Variants in ANKRD44 observed in about 807,000 individuals in gnomAD.
The protein encoded by ANKRD44 is ankyrin repeat domain 44.
In ANKRD44, 35 loss-of-function variants were observed where a neutral mutation model predicts 116.0. The ratio of observed to expected loss-of-function variants is 0.30; its 90% confidence interval spans 0.23 to 0.40. The LOEUF is 0.40. Ranked by LOEUF, ANKRD44 falls within the 10% of genes least tolerant of loss-of-function variation. The probability of loss-of-function intolerance (pLI) is 1.00; values close to 1 mark genes in which losing one functional copy is unlikely to be tolerated. For synonymous variants in ANKRD44, 435 were observed against 461.8 expected, an observed-to-expected ratio of 0.94 and a Z score of 0.74; for missense variants, 1,014 against 1,242.6, an observed-to-expected ratio of 0.82 and a Z score of 2.77.
At chr2:197,277,464 C>T (rs1377664556) in intron 1 of ANKRD44, among the ~76,000 whole-genome samples, 2 of 152,064 alleles carry the variant, frequency 1.3e-5, no homozygotes, top group African/African-American at 2.4e-5. Flanking sequence ...ATCTGGAAGA[C>T]AGGGAGTAAG....
intron 24 of ANKRD44, 108 bp from the exon 25 acceptor site, chr2:196,998,527 T>C: frequency 1.3e-6 from 1 of 774,782 alleles, no homozygotes. Flanking sequence ...ACAGTTCACA[T>C]AATCATATTT....
At chr2:196,989,953 A>G (rs1215017899) in intron 27 of ANKRD44, 18 of 1,058,776 alleles carry the variant, frequency 1.7e-5, no homozygotes, top group Non-Finnish European at 2.1e-5. Flanking sequence ...GTGCAATATA[A>G]TTTTCACCTG....
At chr2:197,140,911 T>C (rs2079348218) in intron 3 of ANKRD44, among the ~76,000 whole-genome samples, 2 of 152,164 alleles carry the variant, frequency 1.3e-5, no homozygotes, top group South Asian at 4.1e-4. Context: ...TATACTTCAA[T>C]AAAGCTGCTT....
intron 19 of ANKRD44, 83 bp downstream of exon 19, chr2:197,008,861 C>A: frequency 2.4e-6 from 3 of 1,226,762 alleles, no homozygotes; most frequent in South Asian, 2.5e-5. Context: ...GTTCCGCAGT[C>A]AGCCTTGTAA....
chr2:197,142,528 G>A (rs900820440), intron 3 of ANKRD44, among the ~76,000 whole-genome samples: 1 of 152,060 alleles, frequency 6.6e-6, no homozygotes, highest in East Asian at 1.9e-4. Flanking sequence ...TTCCATGAAC[G>A]TGACAATTGC....
Position 197,083,440 on chromosome 2 carries a change from G to C in ANKRD44, c.1386C>G (p.Ala462=). ...HCIETLVTTG[A]NVNETDDWGR... is the part of the protein sequence containing the mutation. ...CCCAGTCATCTGTTTCATTAACGTT[G>C]GCCCCTGTGGTCACTAATGTCTCAA... is the stretch of plus-strand genomic sequence containing the variant. Residue 462 remains alanine, a synonymous_variant, in exon 14 of 28, where the codon GCC becomes GCG. Coordinates refer to ENST00000282272, the MANE Select transcript of ANKRD44 (RefSeq NM_001195144.2). 6.2e-7 allele frequency: 1 copy of C among 1,613,940 alleles called. No homozygotes were observed. The highest frequency in any genetic ancestry group is 8.5e-7 in the Non-Finnish European group (1 of 1,179,890).
rs541907869 is a variant in ANKRD44, at chr2:197,054,160, T to C, written c.1650+24543A>G. Among the ~76,000 whole-genome samples, 6 of 152,352 alleles carry C rather than the reference T, an allele frequency of 3.9e-5. No individual in the cohort carries two copies. The South Asian group carries it at 1.0e-3, about 26-fold the overall frequency. The stretch of plus-strand genomic sequence containing the variant: ...TTTATGCTCAATGTCTAAACTTATA[T>C]GTAATGTAAACACTTAATGAAATTC... On this transcript the variant is annotated intron_variant, in intron 16 of 27. Coordinates refer to ENST00000282272, the MANE Select transcript of ANKRD44 (RefSeq NM_001195144.2).
At chr2:197,123,493 T>C (rs1016491213) in intron 6 of ANKRD44, among the ~76,000 whole-genome samples, 1 of 152,308 alleles carries the variant, frequency 6.6e-6, no homozygotes, top group Non-Finnish European at 1.5e-5. Flanking sequence ...TAGTTGGGCA[T>C]GGTGGCACAT....
At chr2:197,217,138 T>G (rs936078076) in intron 1 of ANKRD44, among the ~76,000 whole-genome samples, 1 of 149,790 alleles carries the variant, frequency 6.7e-6, no homozygotes, top group Non-Finnish European at 1.5e-5. Context: ...TACTTTCCAC[T>G]TTTTTTTCAT....
intron 1 of ANKRD44, among the ~76,000 whole-genome samples, chr2:197,249,478 G>A (rs1046283873): frequency 2.0e-5 from 3 of 152,022 alleles, no homozygotes; most frequent in Admixed American, 6.5e-5. Flanking sequence ...CAGTACACTG[G>A]GAAGCAAAAA....
chr2:197,252,324 C>T lies in ANKRD44; in HGVS notation c.27+58254G>A, dbSNP rs370849479. ...ACTTAAAATACAGATTCCTGCTCCC[C>T]GCTACCCGCCCCGCCCCGCCCCGCC... On this transcript the variant is annotated intron_variant, in intron 1 of 27. Transcript: ENST00000282272. 3.3e-3 allele frequency among the ~76,000 whole-genome samples: 490 copies of T among 149,924 alleles called. 2 individuals are homozygous for T. Among genetic ancestry groups the T allele is most frequent in the Non-Finnish European group, 5.1e-3 (344 of 66,868 alleles).
intron 21 of ANKRD44, among the ~76,000 whole-genome samples, chr2:196,974,889 C>CA (rs373485155): frequency 0.096 from 12,041 of 125,022 alleles, 502 homozygotes; most frequent in South Asian, 0.12. Flanking sequence ...GACTCCATCT[C>CA]AAAAAAAAAA....
chr2:197,041,368 C>T (rs907301398), intron 16 of ANKRD44, among the ~76,000 whole-genome samples: 1 of 152,060 alleles, frequency 6.6e-6, no homozygotes, highest in Admixed American at 6.6e-5. Context: ...TTGGTTTGTC[C>T]CTGCAGTAGC....
chr2:197,135,654 TC>T (rs1342025148), intron 4 of ANKRD44: 1 of 152,200 alleles, frequency 6.6e-6, no homozygotes, highest in African/African-American at 2.4e-5. Context: ...TTGGGATACA[TC>T]CAGGAACAAA....
At chr2:197,083,841 G>T (rs1277762232) in intron 13 of ANKRD44, among the ~76,000 whole-genome samples, 1 of 152,146 alleles carries the variant, frequency 6.6e-6, no homozygotes, top group Non-Finnish European at 1.5e-5. Context: ...TCAGATGAGG[G>T]GTGCTTAACC....
At chr2:197,153,463 G>A (rs1043758444) in intron 2 of ANKRD44, among the ~76,000 whole-genome samples, 2 of 152,076 alleles carry the variant, frequency 1.3e-5, no homozygotes, top group African/African-American at 4.8e-5. Context: ...CACACAACAG[G>A]TACCTCGGAA....
intron 2 of ANKRD44, among the ~76,000 whole-genome samples, chr2:197,183,042 G>A (rs1237984136): frequency 6.6e-6 from 1 of 152,170 alleles, no homozygotes; most frequent in African/African-American, 2.4e-5. Context: ...GGAGAAGTGA[G>A]AAAAGGGTGA....
chr2:197,069,954 T>C (rs569126254), intron 16 of ANKRD44, among the ~76,000 whole-genome samples: 2 of 152,190 alleles, frequency 1.3e-5, no homozygotes, highest in Admixed American at 6.6e-5. Context: ...CACACGTCTT[T>C]TGGATCTAGG....
In ANKRD44 at chr2:197,019,737, T is replaced by C. The variant is rs142677762; in HGVS notation, c.1722+5459A>G. On this transcript the variant is annotated intron_variant, in intron 17 of 27. Transcript: ENST00000282272. ...TAGAGGATGGTATAATGAATTGCCG[T>C]ATACCTTTCACGCAGTTTGAGTCAT... Among the ~76,000 whole-genome samples the C allele has an allele frequency of 5.8e-3, 883 of 152,224 alleles. 7 individuals are homozygous for C. Among genetic ancestry groups the C allele is most frequent in the African/African-American group, 0.02 (851 of 41,554 alleles).
Sources: gnomAD v4.1 joint callset for allele counts (sites outside exome capture counted in the v4.1 genomes callset) on GRCh38, gnomAD v4.1.1 for gene constraint, MANE v1.5 for transcripts, NCBI Gene and HGNC (gene_info 2026-07-23, HGNC 2026-07-21) for gene names.